Variants in CCDC66 observed in about 807,000 individuals in gnomAD.
The protein encoded by CCDC66 is coiled-coil domain containing 66.
A neutral mutation model predicts 128.3 loss-of-function variants in CCDC66; 133 were observed. The observed-to-expected ratio is 1.04, with a 90% confidence interval of 0.90 to 1.20. CCDC66 has a LOEUF of 1.20. Among genes scored for constraint, CCDC66 ranks in the 50% most tolerant of loss-of-function variants. The probability of loss-of-function intolerance (pLI) is 0.00; values close to 1 mark genes in which losing one functional copy is unlikely to be tolerated. For missense variants in CCDC66, 1,126 were observed against 1,075.5 expected, an observed-to-expected ratio of 1.05 and a Z score of -0.66; for synonymous variants, 387 against 357.0, an observed-to-expected ratio of 1.08 and a Z score of -0.95.
rs1422963231 is a variant in CCDC66 at position 56,597,281 on chromosome 3, A to G, written c.1404+3253A>G. Among the ~76,000 whole-genome samples the G allele has an allele frequency of 2.0e-5, 3 of 151,970 alleles. 1 individual carries two copies. Among genetic ancestry groups the G allele is most frequent in the Admixed American group, 1.3e-4 (2 of 15,266 alleles). ...ATATGTCTGTTTTTATACCAATACC[A>G]TGCTGTTGTGGTTCCTATAGTCTTG... On this transcript the variant is annotated intron_variant, in intron 10 of 17. Transcript: ENST00000394672.
chr3:56,621,573 G>T lies in CCDC66; in HGVS notation c.2802G>T (p.Leu934=). 6.2e-7 allele frequency: 1 copy of T among 1,601,848 alleles called. No homozygotes were observed. The part of the protein sequence containing the change: ...QKQKELESSL[L]PLAENQEESF... ...AAAAGGAGTTGGAAAGTAGTCTCCT[G>T]CCTTTAGCTGAAAATCAAGAAGAGA... Residue 934 remains leucine, a synonymous_variant, in exon 18 of 18, where the codon CTG becomes CTT. Transcript: ENST00000394672.
chr3:56,580,317 T>C lies in CCDC66; in HGVS notation c.936+9015T>C, dbSNP rs2068121557. 2.6e-5 allele frequency among the ~76,000 whole-genome samples: 4 copies of C among 151,736 alleles called. No individual in the cohort carries two copies. In the South Asian group the frequency reaches 8.3e-4, roughly 32 times the overall value. On this transcript the variant is annotated intron_variant, in intron 7 of 17. Coordinates refer to ENST00000394672, the MANE Select transcript of CCDC66 (RefSeq NM_001141947.3). ...CCTGTGTGTGTCTCTGCATGTGAGA[T>C]GGGTCTCCGGAATACAGCACACTGA...
At chr3:56,557,356 A>G in intron 1 of CCDC66, 103 bp downstream of exon 1, 1 of 1,445,764 alleles carries the variant, frequency 6.9e-7, no homozygotes, top group East Asian at 2.5e-5. Flanking sequence ...TTACTGGAGA[A>G]CGTTCCCAAC....
chr3:56,561,219 A>G (rs1466801389), intron 3 of CCDC66: 1 of 455,968 alleles, frequency 2.2e-6, no homozygotes, highest in South Asian at 1.6e-5. Context: ...TTCCTAGATG[A>G]AAAGCTGTTT....
chr3:56,558,694 C>A (rs918212619), intron 1 of CCDC66, 152 bp from the exon 2 acceptor site: 1 of 672,632 alleles, frequency 1.5e-6, no homozygotes, highest in Non-Finnish European at 2.7e-6. Context: ...GGATTGCAAA[C>A]GTTTTTAATT....
At chr3:56,607,539 AG>A (rs1295149860) in intron 10 of CCDC66, among the ~76,000 whole-genome samples, 1 of 152,170 alleles carries the variant, frequency 6.6e-6, no homozygotes, top group Non-Finnish European at 1.5e-5. Context: ...AGCTTTCTGG[AG>A]GAGTCTTACA....
At chr3:56,593,782 CTG>C (rs1298078790) in intron 9 of CCDC66, 41 bp downstream of exon 9, 1 of 1,600,056 alleles carries the variant, frequency 6.2e-7, no homozygotes, top group East Asian at 2.2e-5. Flanking sequence ...TTCAGAAAGT[CTG>C]TGTGCTTTAG....
chr3:56,593,989 G>A lies in CCDC66; in HGVS notation c.1365G>A (p.Glu455=), dbSNP rs2071396659. 6.2e-7 allele frequency: 1 copy of A among 1,614,124 alleles called. No homozygotes were observed. Among genetic ancestry groups the A allele is most frequent in the Non-Finnish European group, 8.5e-7 (1 of 1,180,026 alleles). ...CTCTCTTGGACCCAGCTCAGATTGA[G>A]GAACGAGACAGACGACGACAAAAAC... ...MTALLDPAQI[E]ERDRRRQKQL... Residue 455 remains glutamate, a synonymous_variant, in exon 10 of 18, where the codon GAG becomes GAA. Transcript: ENST00000394672.
chr3:56,606,502 C>A (rs575704229), intron 10 of CCDC66, among the ~76,000 whole-genome samples: 2 of 152,100 alleles, frequency 1.3e-5, no homozygotes, highest in African/African-American at 2.4e-5. Context: ...CAGCATGGCA[C>A]ATCCCTCATG....
At position 56,567,222 on chromosome 3, in the gene CCDC66, T is replaced by C. The variant is rs188051473; in HGVS notation, c.814+169T>C. ...CTGGCCAACATGGTGAAATCCCATC[T>C]CTACTAAAAATATAAAAATTAGCTG... On this transcript the variant is annotated intron_variant, in intron 6 of 17. Coordinates refer to ENST00000394672, the MANE Select transcript of CCDC66 (RefSeq NM_001141947.3). 1.5e-3 allele frequency among the ~76,000 whole-genome samples: 234 copies of C among 152,228 alleles called. 1 individual carries two copies. The highest frequency in any genetic ancestry group is 5.4e-3 in the African/African-American group (226 of 41,526).
chr3:56,618,682 G>C (rs1033047914), intron 15 of CCDC66: 1 of 162,918 alleles, frequency 6.1e-6, no homozygotes, highest in African/African-American at 2.4e-5. Flanking sequence ...CATTCAAATG[G>C]TGAGTACATT....
intron 10 of CCDC66, among the ~76,000 whole-genome samples, chr3:56,612,928 C>T (rs1198780176): frequency 2.0e-5 from 3 of 152,274 alleles, no homozygotes; most frequent in African/African-American, 7.2e-5. Flanking sequence ...GATGATTTCC[C>T]AGGCCACCAG....
In CCDC66 at chr3:56,557,189, A is replaced by C; in HGVS notation, c.-54A>C. The C allele has an allele frequency of 6.4e-6, 10 of 1,551,208 alleles. No homozygotes were observed. The South Asian group carries it at 1.2e-4, about 18-fold the overall frequency. ...TAGCGCTTGCTGAGCGGCGGCGGCA[A>C]CCGACGTACACAAGGGGCTTGAGCG... On this transcript the variant is annotated 5_prime_UTR_variant, in exon 1 of 18. Coordinates refer to ENST00000394672, the MANE Select transcript of CCDC66 (RefSeq NM_001141947.3).
chr3:56,558,224 G>C (rs1274948628), intron 1 of CCDC66, among the ~76,000 whole-genome samples: 2 of 152,048 alleles, frequency 1.3e-5, no homozygotes, highest in Non-Finnish European at 2.9e-5. Flanking sequence ...CTGTATGTAT[G>C]GGCTGCCATT....
In CCDC66 at chr3:56,566,969, GC is replaced by G; in HGVS notation, c.731del (p.Ala244ValfsTer28). The G allele has an allele frequency of 6.2e-7, 1 of 1,613,834 alleles. No homozygotes were observed. Among genetic ancestry groups the G allele is most frequent in the South Asian group, 1.1e-5 (1 of 91,034 alleles). ...CCTTAGAGAGAATGAATGGAAACCA[GC>G]TGATATATTCAGTACTCTGGGGGAA... is the stretch of plus-strand genomic sequence containing the variant. The part of the protein sequence containing the change: ...KIAIENEWKP[A>X]DIFSTLGERE... On this transcript the variant is annotated frameshift_variant, in exon 6 of 18. Transcript: ENST00000394672. LOFTEE classifies it high-confidence loss of function.
At chr3:56,611,223 C>G (rs952970912) in intron 10 of CCDC66, among the ~76,000 whole-genome samples, 2 of 152,036 alleles carry the variant, frequency 1.3e-5, no homozygotes, top group Non-Finnish European at 2.9e-5. Flanking sequence ...AGGTCAGGCT[C>G]TCCTTGGGTG....
chr3:56,577,444 A>G (rs144141027), intron 7 of CCDC66, among the ~76,000 whole-genome samples: 6,346 of 151,768 alleles, frequency 0.042, 401 homozygotes, highest in East Asian at 0.23. Context: ...CCATTTGTCA[A>G]TTTTAGCTTT....
In CCDC66 at chr3:56,571,845, A is replaced by G. The variant is rs902047088; in HGVS notation, c.936+543A>G. Among the ~76,000 whole-genome samples the G allele has an allele frequency of 2.0e-5, 3 of 152,072 alleles. No homozygotes were observed. In the South Asian group the frequency reaches 6.2e-4, roughly 32 times the overall value. On this transcript the variant is annotated intron_variant, in intron 7 of 17. Transcript: ENST00000394672. ...GGGATCCTCCTGCCTCTGCCTCCCA[A>G]ATGGCTGGTACTACAGGTGTACTCC... is the stretch of plus-strand genomic sequence containing the variant.
chr3:56,589,583 A>G (rs978501937), intron 7 of CCDC66, among the ~76,000 whole-genome samples: 5 of 152,162 alleles, frequency 3.3e-5, no homozygotes, highest in Non-Finnish European at 7.4e-5. Context: ...TAAAAATAAT[A>G]GGTAAATTTA....
Sources: gnomAD v4.1 joint callset for allele counts (sites outside exome capture counted in the v4.1 genomes callset) on GRCh38, gnomAD v4.1.1 for gene constraint, MANE v1.5 for transcripts, NCBI Gene and HGNC (gene_info 2026-07-23, HGNC 2026-07-21) for gene names.